Variants in ULK4 observed in about 807,000 individuals in gnomAD.
ULK4 encodes the protein inactive serine/threonine-protein kinase ULK4.
In ULK4, 133 loss-of-function variants were observed where a neutral mutation model predicts 160.6. That is an observed-to-expected ratio of 0.83 (90% CI 0.72 to 0.96). ULK4 has a LOEUF of 0.96. Ranked by LOEUF, ULK4 falls within the 40% of genes least tolerant of loss-of-function variation. The pLI, the probability that ULK4 is intolerant of heterozygous loss-of-function variation, is 0.00. For synonymous variants in ULK4, 534 were observed against 539.8 expected (o/e 0.99, Z 0.15); for missense variants, 1,580 against 1,499.5 (o/e 1.05, Z -0.89).
intron 29 of ULK4, among the ~76,000 whole-genome samples, chr3:41,669,091 T>G (rs2035444822): frequency 6.6e-6 from 1 of 151,998 alleles, no homozygotes; most frequent in African/African-American, 2.4e-5. Context: ...CGGGAAGAAA[T>G]GGTCTACTTC....
chr3:41,533,842 C>T (rs1354751668), intron 32 of ULK4, among the ~76,000 whole-genome samples: 5 of 152,186 alleles, frequency 3.3e-5, no homozygotes, highest in African/African-American at 9.7e-5. Flanking sequence ...GAGTCTCGCT[C>T]TTTCGCCCAG....
chr3:41,289,044 C>T (rs756756616), intron 35 of ULK4, among the ~76,000 whole-genome samples: 14 of 152,218 alleles, frequency 9.2e-5, no homozygotes, highest in Admixed American at 3.3e-4. Flanking sequence ...CCACGGGGAG[C>T]GGCAGAGCAG....
intron 32 of ULK4, among the ~76,000 whole-genome samples, chr3:41,554,219 T>G (rs528960429): frequency 6.6e-6 from 1 of 152,316 alleles, no homozygotes; most frequent in East Asian, 1.9e-4. Context: ...AAAGGATACC[T>G]GCACCTCTTT....
At chr3:41,769,559 T>C (rs2039283594) in intron 21 of ULK4, among the ~76,000 whole-genome samples, 1 of 152,114 alleles carries the variant, frequency 6.6e-6, no homozygotes, top group South Asian at 2.1e-4. Context: ...ATAACCCAAA[T>C]CACAGCACAA....
chr3:41,724,106 C>A (rs928539085), intron 22 of ULK4, among the ~76,000 whole-genome samples: 1 of 152,212 alleles, frequency 6.6e-6, no homozygotes, highest in Non-Finnish European at 1.5e-5. Flanking sequence ...AGCTGAAAGC[C>A]TGACTTATCT....
chr3:41,680,432 C>T (rs938866424), intron 29 of ULK4, among the ~76,000 whole-genome samples: 1 of 152,140 alleles, frequency 6.6e-6, no homozygotes, highest in Non-Finnish European at 1.5e-5. Flanking sequence ...CAGGCTCCCC[C>T]AGAGAGCCAA....
At chr3:41,360,120 C>T (rs2081112802) in intron 35 of ULK4, among the ~76,000 whole-genome samples, 1 of 152,086 alleles carries the variant, frequency 6.6e-6, no homozygotes, top group Non-Finnish European at 1.5e-5. Flanking sequence ...TATGAACAGA[C>T]ACTTCTCAAA....
chr3:41,527,603 T>C (rs947171649), intron 32 of ULK4, among the ~76,000 whole-genome samples: 2 of 152,206 alleles, frequency 1.3e-5, no homozygotes, highest in Non-Finnish European at 2.9e-5. Flanking sequence ...ATCACCACAA[T>C]GTAATGTTGT....
At chr3:41,721,816 T>G (rs2037481308) in intron 22 of ULK4, among the ~76,000 whole-genome samples, 2 of 152,238 alleles carry the variant, frequency 1.3e-5, no homozygotes, top group Non-Finnish European at 2.9e-5. Context: ...GTAAGATTTA[T>G]GCTTTCCCAC....
At chr3:41,829,535 C>G (rs2041495687) in intron 18 of ULK4, among the ~76,000 whole-genome samples, 1 of 152,044 alleles carries the variant, frequency 6.6e-6, no homozygotes, top group South Asian at 2.1e-4. Flanking sequence ...CCAAAAGACA[C>G]ATGAAAAAAT....
intron 35 of ULK4, among the ~76,000 whole-genome samples, chr3:41,269,394 G>A (rs1190217369): frequency 6.6e-6 from 1 of 151,962 alleles, no homozygotes; most frequent in Non-Finnish European, 1.5e-5. Flanking sequence ...AGATAAATGA[G>A]CTCCAGGAAT....
intron 31 of ULK4, among the ~76,000 whole-genome samples, chr3:41,610,310 T>C (rs1009128449): frequency 1.4e-4 from 22 of 152,232 alleles, no homozygotes; most frequent in African/African-American, 4.8e-4. Context: ...CCAGCCAATA[T>C]ATACATTTTT....
At chr3:41,446,040 CA>C (rs2083289244) in intron 34 of ULK4, among the ~76,000 whole-genome samples, 1 of 152,042 alleles carries the variant, frequency 6.6e-6, no homozygotes, top group African/African-American at 2.4e-5. Flanking sequence ...AAAAAACAAA[CA>C]ACCCCATCAA....
At chr3:41,862,183 ATATATTTTTCAGTGTGCCAAC>A (rs1391420560) in intron 17 of ULK4, among the ~76,000 whole-genome samples, 1 of 152,176 alleles carries the variant, frequency 6.6e-6, no homozygotes, top group African/African-American at 2.4e-5. Context: ...AAGGACGCCA[ATATATTTTTCAGTGTGCCAAC>A]TGTATTTTTC....
intron 35 of ULK4, among the ~76,000 whole-genome samples, chr3:41,292,060 C>T (rs1325437750): frequency 6.6e-6 from 1 of 151,946 alleles, no homozygotes; most frequent in Non-Finnish European, 1.5e-5. Context: ...GTCTCGATCT[C>T]CTGACCTCAC....
chr3:41,375,773 G>C (rs568644586), intron 35 of ULK4, among the ~76,000 whole-genome samples: 1 of 150,324 alleles, frequency 6.7e-6, no homozygotes, highest in East Asian at 2.1e-4. Context: ...AGCCAAAACT[G>C]ACAAATGGGA....
intron 17 of ULK4, among the ~76,000 whole-genome samples, chr3:41,840,256 C>A (rs1388867224): frequency 6.6e-6 from 1 of 152,182 alleles, no homozygotes; most frequent in Non-Finnish European, 1.5e-5. Context: ...AAGCAAGACC[C>A]TGTCTCTACA....
At chr3:41,905,946 G>A (rs765931676) in intron 12 of ULK4, among the ~76,000 whole-genome samples, 1 of 152,062 alleles carries the variant, frequency 6.6e-6, no homozygotes, top group African/African-American at 2.4e-5. Context: ...GGCCGGGCAC[G>A]GTGGCTCACG....
intron 32 of ULK4, among the ~76,000 whole-genome samples, chr3:41,466,778 A>G (rs1372244987): frequency 1.3e-5 from 2 of 152,182 alleles, no homozygotes; most frequent in African/African-American, 4.8e-5. Context: ...GTATGTGTGT[A>G]TATATGTGTG....
Sources: allele counts gnomAD v4.1 joint callset (sites outside exome capture counted in the v4.1 genomes callset), GRCh38; gene constraint gnomAD v4.1.1; transcripts MANE v1.5; gene names NCBI Gene and HGNC (gene_info 2026-07-23, HGNC 2026-07-21).